The following MYMK variants were observed in gnomAD, a reference collection of about 807,000 sequenced individuals.
MYMK encodes myomaker, myoblast fusion factor, also known as protein myomaker.
MYMK carries 16 observed loss-of-function variants against 22.4 expected under a neutral mutation model. That is an observed-to-expected ratio of 0.72 (90% CI 0.48 to 1.09). The LOEUF is 1.09. MYMK is among the 50% of genes least tolerant of loss of function. The pLI is 0.00. For missense variants in MYMK, 250 were observed against 295.6 expected, an observed-to-expected ratio of 0.85 and a Z score of 1.13; for synonymous variants, 125 against 127.0, an observed-to-expected ratio of 0.98 and a Z score of 0.11.
intron 1 of MYMK, among the ~76,000 whole-genome samples, chr9:133,523,682 GGAGA>G (rs35845164): frequency 0.1 from 12,279 of 121,228 alleles, 659 homozygotes; most frequent in East Asian, 0.25. Context: ...AGAGATAGAT[GGAGA>G]GAGAGAGAGA....
At position 133,514,927 on chromosome 9, in the gene MYMK, C is replaced by T. The variant is rs78083025; in HGVS notation, c.517-142G>A. ...GCAGGAAGCCTCCCCCACGGTCGCGCTCACAGTGGTTTTTCTCTCCACCTA... is the reference window on the plus strand; with the variant it reads ...GCAGGAAGCCTCCCCCACGGTCGCGTTCACAGTGGTTTTTCTCTCCACCTA... On this transcript the variant is annotated intron_variant, in intron 4 of 4. Coordinates refer to ENST00000339996, the MANE Select transcript of MYMK (RefSeq NM_001080483.3). 2.9e-3 allele frequency: 2,611 copies of T among 913,796 alleles called. 43 individuals are homozygous for T. In the African/African-American group the frequency reaches 0.039, roughly 14 times the overall value. The allele number at this position is 913,796 out of a possible 1,614,324, so 56.6% of individuals were successfully genotyped here.
In MYMK at chr9:133,518,916, C is replaced by T. The variant is rs371965808; in HGVS notation, c.357G>A (p.Ser119=). 44 of 1,613,584 alleles carry T rather than the reference C, an allele frequency of 2.7e-5. No homozygotes were observed. Among genetic ancestry groups the T allele is most frequent in the Admixed American group, 1.2e-4 (7 of 60,002 alleles). ...TGAGGATGGCTGTGCCGATGGGGCC[C>T]GAGTACACCCCGTAGCCCCATCGGT... The part of the protein sequence containing the change: ...YHDRWGYGVY[S]GPIGTAILII... Residue 119 remains serine (S), a synonymous_variant, in exon 3 of 5, where the codon TCG becomes TCA. Coordinates refer to ENST00000339996, the MANE Select transcript of MYMK (RefSeq NM_001080483.3).
chr9:133,518,768 C>T (rs910256968), intron 3 of MYMK, 106 bp downstream of exon 3: 121 of 1,440,526 alleles, frequency 8.4e-5, no homozygotes, highest in Non-Finnish European at 1.0e-4. Context: ...ACCCATTTGC[C>T]TATGAGGGCA....
chr9:133,524,015 G>T (rs918847414), intron 1 of MYMK, among the ~76,000 whole-genome samples: 1 of 152,038 alleles, frequency 6.6e-6, no homozygotes, highest in Non-Finnish European at 1.5e-5. Flanking sequence ...GGACAGATGG[G>T]GTTCTGGGCG....
chr9:133,521,487 G>T (rs1221666890), intron 1 of MYMK, among the ~76,000 whole-genome samples: 3 of 152,116 alleles, frequency 2.0e-5, no homozygotes, highest in African/African-American at 7.2e-5. Flanking sequence ...AATTGTACAC[G>T]GCCTAAAGTG....
intron 2 of MYMK, 50 bp downstream of exon 2, chr9:133,520,124 G>A: frequency 2.0e-6 from 3 of 1,469,194 alleles, no homozygotes; most frequent in Non-Finnish European, 2.9e-6. Context: ...GCGGACACTG[G>A]GGAGCCGGTC....
chr9:133,517,496 T>C (rs1048567054), intron 3 of MYMK, among the ~76,000 whole-genome samples: 1 of 152,018 alleles, frequency 6.6e-6, no homozygotes, highest in Non-Finnish European at 1.5e-5. Flanking sequence ...TGAAACCCCA[T>C]CGCTACTAAA....
At position 133,514,954 on chromosome 9, in the gene MYMK, A is replaced by C. The variant is rs9721620; in HGVS notation, c.517-169T>G. ...CACAGTGGTTTTTCTCTCCACCTAAACCCAGAGCAGTGAGGGCCTGTGCCA... is the reference window on the plus strand; with the variant it reads ...CACAGTGGTTTTTCTCTCCACCTAACCCCAGAGCAGTGAGGGCCTGTGCCA... On this transcript the variant is annotated intron_variant, in intron 4 of 4. Coordinates refer to ENST00000339996, the MANE Select transcript of MYMK (RefSeq NM_001080483.3). Among the ~76,000 whole-genome samples, 36,721 of 151,876 alleles carry C rather than the reference A, an allele frequency of 0.24. 4,796 individuals carry two copies. Among genetic ancestry groups the C allele is most frequent in the Non-Finnish European group, 0.29 (19,678 of 67,876 alleles).
chr9:133,515,394 G>T lies in MYMK; in HGVS notation c.516+97C>A. The T allele has an allele frequency of 2.4e-6, 2 of 833,170 alleles. No homozygotes were observed. Among genetic ancestry groups the T allele is most frequent in the Non-Finnish European group, 2.0e-6 (1 of 501,478 alleles). The allele number at this position is 833,170 out of a possible 1,614,324, so 51.6% of individuals were successfully genotyped here. ...CAGACTTTGGCCTGGGGCTGTCAGA[G>T]TCCCCCCAGCGTGGGCACAGCCCTG... is the stretch of plus-strand genomic sequence containing the variant. On this transcript the variant is annotated intron_variant, in intron 4 of 4. Coordinates refer to ENST00000339996, the MANE Select transcript of MYMK (RefSeq NM_001080483.3). The surrounding 1 kb of genome is among the most constrained non-coding windows in gnomAD (Gnocchi z 5.8).
chr9:133,524,794 G>A lies in MYMK; in HGVS notation c.51C>T (p.Ala17=). ...KLLLPTLSSL[A]FLPTVSIAAK... The stretch of plus-strand genomic sequence containing the variant: ...CCGCGATGCTGACAGTGGGGAGGAA[G>A]GCCAGGCTGCTGAGGGTGGGCAGGA... The change falls in exon 1 of 5, where the codon GCC becomes GCT. Residue 17 remains alanine, a synonymous_variant. Transcript: ENST00000339996. 1 of 1,614,016 alleles carries A rather than the reference G, an allele frequency of 6.2e-7. No homozygotes were observed. Among genetic ancestry groups the A allele is most frequent in the African/African-American group, 1.3e-5 (1 of 75,050 alleles).
At chr9:133,520,093 G>A in intron 2 of MYMK, 81 bp downstream of exon 2, 1 of 1,051,180 alleles carries the variant, frequency 9.5e-7, no homozygotes, top group East Asian at 2.4e-5. Flanking sequence ...GCTGCAGCGG[G>A]ACTGGTTTGA....
Position 133,515,359 on chromosome 9 carries a change from G to A in MYMK, c.516+132C>T. The A allele has an allele frequency of 1.5e-6, 1 of 681,354 alleles. No individual in the cohort carries two copies. The highest frequency in any genetic ancestry group is 2.3e-5 in the Admixed American group (1 of 43,862). 42.2% of individuals were successfully genotyped at this position (681,354 alleles called of 1,614,324 possible). On this transcript the variant is annotated intron_variant, in intron 4 of 4. Coordinates refer to ENST00000339996, the MANE Select transcript of MYMK (RefSeq NM_001080483.3). This position sits in a 1 kb window ranked among gnomAD's most constrained non-coding sequence, Gnocchi z 5.8. ...AGCCCTGGGAGGGGCTAGTGAGCAG[G>A]GACTAATACCAGACTTTGGCCTGGG...
rs1434286212 is a variant in MYMK, at chr9:133,514,800, C to T, written c.517-15G>A. The T allele has an allele frequency of 4.3e-6, 7 of 1,611,374 alleles. No individual in the cohort carries two copies. Among genetic ancestry groups the T allele is most frequent in the Admixed American group, 3.3e-5 (2 of 59,836 alleles). ...TAGTCCCAGTCCTGCGGGGGGCAAG[C>T]GGTCAGTCTGGGGCCTCAGCCCCCT... is the stretch of plus-strand genomic sequence containing the variant. On this transcript the variant is annotated splice_polypyrimidine_tract_variant and intron_variant, in intron 4 of 4. Transcript: ENST00000339996.
intron 3 of MYMK, among the ~76,000 whole-genome samples, chr9:133,517,334 G>C (rs1312245615): frequency 6.6e-6 from 1 of 152,152 alleles, no homozygotes; most frequent in East Asian, 1.9e-4. Context: ...GCTTCCTCAG[G>C]TTGCAGACAG....
At chr9:133,521,548 G>A (rs1365208486) in intron 1 of MYMK, among the ~76,000 whole-genome samples, 2 of 152,232 alleles carry the variant, frequency 1.3e-5, no homozygotes, top group Non-Finnish European at 2.9e-5. Context: ...AAATGAGGGA[G>A]GCGGCGGTCC....
rs973386963 is a variant in MYMK at position 133,515,391 on chromosome 9, A to G, written c.516+100T>C. The G allele has an allele frequency of 3.1e-5, 25 of 819,346 alleles. No individual in the cohort carries two copies. The highest frequency in any genetic ancestry group is 4.2e-5 in the Admixed American group (2 of 47,658). 50.8% of individuals were successfully genotyped at this position (819,346 alleles called of 1,614,324 possible). A position where few individuals can be genotyped will look rare whatever the true frequency, so the allele number is the denominator to read the frequency against. ...TACCAGACTTTGGCCTGGGGCTGTC[A>G]GAGTCCCCCCAGCGTGGGCACAGCC... On this transcript the variant is annotated intron_variant, in intron 4 of 4. Coordinates refer to ENST00000339996, the MANE Select transcript of MYMK (RefSeq NM_001080483.3). The surrounding 1 kb of genome is among the most constrained non-coding windows in gnomAD (Gnocchi z 5.8).
Position 133,522,345 on chromosome 9 carries a change from G to GA in MYMK, c.136-2058_136-2057insT, listed in dbSNP as rs375743210. Among the ~76,000 whole-genome samples the GA allele has an allele frequency of 7.3e-5, 11 of 150,814 alleles. No homozygotes were observed. In the East Asian group the frequency reaches 7.8e-4, roughly 11 times the overall value. ...TGGGGGCTCAGGTGAGTGGCTGTCG[G>GA]GGGGGGGCCTCCTCTGTTGTGTGGG... On this transcript the variant is annotated intron_variant, in intron 1 of 4. Transcript: ENST00000339996.
intron 1 of MYMK, among the ~76,000 whole-genome samples, chr9:133,523,682 GGAGAGAGAGAGA>G (rs35845164): frequency 0.03 from 3,687 of 121,520 alleles, 185 homozygotes; most frequent in African/African-American, 0.12. Context: ...AGAGATAGAT[GGAGAGAGAGAGA>G]GAGAGAGAGA....
chr9:133,524,069 G>GA (rs1844734229), intron 1 of MYMK, among the ~76,000 whole-genome samples: 1 of 151,388 alleles, frequency 6.6e-6, no homozygotes, highest in Non-Finnish European at 1.5e-5. Flanking sequence ...CAGGTACCAG[G>GA]AAACAGAGAG....
Sources: gnomAD v4.1 joint callset for allele counts (sites outside exome capture counted in the v4.1 genomes callset) on GRCh38, gnomAD v4.1.1 for gene constraint, Gnocchi (gnomAD v3.1) non-coding constraint, MANE v1.5 for transcripts, NCBI Gene and HGNC (gene_info 2026-07-23, HGNC 2026-07-21) for gene names.